Variants in SLC22A5 observed in about 807,000 individuals in gnomAD.
SLC22A5 encodes the protein solute carrier family 22 member 5, also known as organic cation/carnitine transporter 2.
Under a neutral mutation model 56.7 loss-of-function variants are expected in SLC22A5, and 44 were observed. That is an observed-to-expected ratio of 0.78 (90% CI 0.61 to 1.00). SLC22A5 has a LOEUF of 1.00. SLC22A5 is among the 50% of genes least tolerant of loss of function. The probability of loss-of-function intolerance (pLI) is 0.00; values close to 1 mark genes in which losing one functional copy is unlikely to be tolerated. For missense variants in SLC22A5, 675 were observed against 723.0 expected, an observed-to-expected ratio of 0.93 and a Z score of 0.76; for synonymous variants, 278 against 292.1, an observed-to-expected ratio of 0.95 and a Z score of 0.49.
intron 1 of SLC22A5, among the ~76,000 whole-genome samples, chr5:132,373,996 A>G (rs186907317): frequency 6.6e-6 from 1 of 152,226 alleles, no homozygotes; most frequent in Non-Finnish European, 1.5e-5. Context: ...AGGCAGGTGG[A>G]TCACAAGGCA....
In SLC22A5 at chr5:132,369,784, C is replaced by T; in HGVS notation, c.-189C>T. 1 of 662,310 alleles carries T rather than the reference C, an allele frequency of 1.5e-6. No individual in the cohort carries two copies. The highest frequency in any genetic ancestry group is 2.4e-6 in the Non-Finnish European group (1 of 418,972). 41.0% of individuals were successfully genotyped at this position (662,310 alleles called of 1,614,324 possible). A position where few individuals can be genotyped will look rare whatever the true frequency, so the allele number is the denominator to read the frequency against. ...AGGCCCGCAACCTTCCCTGGTCGTG[C>T]GCCCTATGTAAGGCCAGCCGCGGCA... On this transcript the variant is annotated 5_prime_UTR_variant, in exon 1 of 10. Transcript: ENST00000245407.
At chr5:132,386,914 C>A in intron 4 of SLC22A5, 111 bp from the exon 5 acceptor site, 1 of 1,164,660 alleles carries the variant, frequency 8.6e-7, no homozygotes, top group Non-Finnish European at 1.3e-6. Flanking sequence ...ACCAAACATT[C>A]CACAAGCTCT....
intron 1 of SLC22A5, among the ~76,000 whole-genome samples, chr5:132,374,319 G>A (rs967447994): frequency 1.3e-5 from 2 of 152,190 alleles, no homozygotes; most frequent in Non-Finnish European, 2.9e-5. Context: ...AGTCCTGGGT[G>A]GGACTCCCAC....
chr5:132,389,327 C>T, intron 6 of SLC22A5: 1 of 377,620 alleles, frequency 2.6e-6, no homozygotes, highest in Non-Finnish European at 5.1e-6. Context: ...CCGTCTCCTA[C>T]CCAGTTACCG....
Position 132,369,823 on chromosome 5 carries a change from G to A in SLC22A5, c.-150G>A, listed in dbSNP as rs1751809452. Reference sequence around the variant, plus strand: ...CCAGCCGCGGCAGGACCAAGGCGGCGGTGTCAGCTCGCGAGCCTACCCTCC... The same window carrying A: ...CCAGCCGCGGCAGGACCAAGGCGGCAGTGTCAGCTCGCGAGCCTACCCTCC... On this transcript the variant is annotated 5_prime_UTR_variant, in exon 1 of 10. Coordinates refer to ENST00000245407, the MANE Select transcript of SLC22A5 (RefSeq NM_003060.4). 5.1e-6 allele frequency: 5 copies of A among 974,554 alleles called. No homozygotes were observed. The highest frequency in any genetic ancestry group is 7.3e-6 in the Non-Finnish European group (5 of 688,760). 60.4% of individuals were successfully genotyped at this position (974,554 alleles called of 1,614,324 possible).
chr5:132,392,960 G>C (rs913771915), intron 8 of SLC22A5, among the ~76,000 whole-genome samples: 4 of 152,160 alleles, frequency 2.6e-5, no homozygotes, highest in Non-Finnish European at 5.9e-5. Context: ...AAATTTCTTG[G>C]AATCAGAGTT....
chr5:132,370,273 C>T lies in SLC22A5; in HGVS notation c.301C>T (p.Arg101Cys), dbSNP rs1327883835. ...NFSALGLEPG[R>C]DVDLGQLEQE... Reference sequence around the variant, plus strand: ...CTCGGCGCTTGGGCTGGAGCCGGGGCGCGACGTGGACCTGGGGCAGCTGGA... The same window carrying T: ...CTCGGCGCTTGGGCTGGAGCCGGGGTGCGACGTGGACCTGGGGCAGCTGGA... The change falls in exon 1 of 10, where the codon CGC becomes TGC. Residue 101 changes from arginine to cysteine, a missense_variant. Transcript: ENST00000245407. 13 of 1,597,622 alleles carry T rather than the reference C, an allele frequency of 8.1e-6. No homozygotes were observed. In the South Asian group the frequency reaches 1.3e-4, roughly 17 times the overall value.
At chr5:132,370,476 C>T in intron 1 of SLC22A5, 111 bp downstream of exon 1, 1 of 1,243,656 alleles carries the variant, frequency 8.0e-7, no homozygotes, top group South Asian at 1.4e-5. Flanking sequence ...CACTCCCCCT[C>T]CCCCAACGGT....
At chr5:132,371,959 C>G (rs961506863) in intron 1 of SLC22A5, among the ~76,000 whole-genome samples, 1 of 152,092 alleles carries the variant, frequency 6.6e-6, no homozygotes, top group East Asian at 1.9e-4. Context: ...TGAGAGCTAC[C>G]CTGGGAGATC....
intron 3 of SLC22A5, 92 bp downstream of exon 3, chr5:132,384,393 A>T: frequency 7.0e-6 from 9 of 1,294,528 alleles, no homozygotes; most frequent in Non-Finnish European, 9.0e-6. Flanking sequence ...GATGTCCCTC[A>T]AGGGGGACAG....
chr5:132,388,730 G>A (rs551630009), intron 5 of SLC22A5, among the ~76,000 whole-genome samples, 191 bp from the exon 6 acceptor site: 4 of 152,256 alleles, frequency 2.6e-5, no homozygotes, highest in Non-Finnish European at 5.9e-5. Context: ...ACTCTGATTT[G>A]TTACTGACAA....
Position 132,369,984 on chromosome 5 carries a change from C to G in SLC22A5, c.12C>G (p.Tyr4Ter), listed in dbSNP as rs72552722. MRD[Y>*]DEVTAFLGEW... ...CCTCTGAGGGCGGCATGCGGGACTA[C>G]GACGAGGTGACCGCCTTCCTGGGCG... The change falls in exon 1 of 10, where the codon TAC becomes TAG. Residue 4 changes from tyrosine (Y) to a stop codon, truncating the protein, a stop_gained. Transcript: ENST00000245407. LOFTEE classifies it high-confidence loss of function. 5.0e-6 allele frequency: 8 copies of G among 1,613,096 alleles called. No homozygotes were observed. The South Asian group carries it at 5.5e-5, about 11-fold the overall frequency.
rs727504159 is a variant in SLC22A5 at position 132,370,310 on chromosome 5, G to A, written c.338G>A (p.Cys113Tyr). Residue 113 changes from cysteine to tyrosine, a missense_variant, in exon 1 of 10, where the codon TGT (cysteine) becomes TAT (tyrosine). Transcript: ENST00000245407. ...CTGGGGCAGCTGGAGCAGGAGAGCTGTCTGGATGGCTGGGAGTTCAGTCAG... is the reference window on the plus strand; with the variant it reads ...CTGGGGCAGCTGGAGCAGGAGAGCTATCTGGATGGCTGGGAGTTCAGTCAG... ...VDLGQLEQESCLDGWEFSQDV... is the reference protein window; with the variant it reads ...VDLGQLEQESYLDGWEFSQDV... The A allele has an allele frequency of 2.5e-6, 4 of 1,611,524 alleles. No individual in the cohort carries two copies. The East Asian group carries it at 8.9e-5, about 36-fold the overall frequency.
chr5:132,370,024 C>T lies in SLC22A5; in HGVS notation c.52C>T (p.Gln18Ter). Residue 18 changes from glutamine to a stop codon, truncating the protein, a stop_gained, in exon 1 of 10, where the codon CAG becomes TAG. Coordinates refer to ENST00000245407, the MANE Select transcript of SLC22A5 (RefSeq NM_003060.4). LOFTEE classifies it high-confidence loss of function. ...TAFLGEWGPF[Q>*]RLIFFLLSAS... ...CTTCCTGGGCGAGTGGGGGCCCTTC[C>T]AGCGCCTCATCTTCTTCCTGCTCAG... 2 of 1,613,434 alleles carry T rather than the reference C, an allele frequency of 1.2e-6. No homozygotes were observed. Among genetic ancestry groups the T allele is most frequent in the Non-Finnish European group, 1.7e-6 (2 of 1,179,734 alleles).
chr5:132,385,299 G>T lies in SLC22A5; in HGVS notation c.653-29G>T, dbSNP rs530202724. 16 of 1,607,246 alleles carry T rather than the reference G, an allele frequency of 1.0e-5. No individual in the cohort carries two copies. The South Asian group carries it at 1.7e-4, about 17-fold the overall frequency. On this transcript the variant is annotated intron_variant, in intron 3 of 9. Coordinates refer to ENST00000245407, the MANE Select transcript of SLC22A5 (RefSeq NM_003060.4). ...ATAAGGAAGGAACCCAAATTAAACTGCTAACTCGACCTCCCTTGTTTTGAA... is the reference window on the plus strand; with the variant it reads ...ATAAGGAAGGAACCCAAATTAAACTTCTAACTCGACCTCCCTTGTTTTGAA...
Position 132,394,546 on chromosome 5 carries a change from A to C in SLC22A5, c.*274A>C. On this transcript the variant is annotated 3_prime_UTR_variant, in exon 10 of 10. Coordinates refer to ENST00000245407, the MANE Select transcript of SLC22A5 (RefSeq NM_003060.4). ...GGACTCAGCACCTCCAAAGCAGTTA[A>C]TTTTTCACTAGAACCAGTGAGATCT... 1 of 505,698 alleles carries C rather than the reference A, an allele frequency of 2.0e-6. No homozygotes were observed. Among genetic ancestry groups the C allele is most frequent in the Non-Finnish European group, 3.5e-6 (1 of 281,764 alleles). 31.3% of individuals were successfully genotyped at this position (505,698 alleles called of 1,614,324 possible). A position where few individuals can be genotyped will look rare whatever the true frequency, so the allele number is the denominator to read the frequency against.
In SLC22A5 at chr5:132,394,983, C is replaced by A. The variant is rs993866167; in HGVS notation, c.*711C>A. The A allele has an allele frequency of 1.3e-5, 2 of 152,366 alleles. No homozygotes were observed. The highest frequency in any genetic ancestry group is 6.5e-5 in the Admixed American group (1 of 15,286). The allele number at this position is 152,366 out of a possible 1,614,324, so 9.4% of individuals were successfully genotyped here. ...TAAATGCTCCATTGAATCTACTATT[C>A]TTGTTTTCCACTGCTGTGGAAACCT... On this transcript the variant is annotated 3_prime_UTR_variant, in exon 10 of 10. Coordinates refer to ENST00000245407, the MANE Select transcript of SLC22A5 (RefSeq NM_003060.4).
intron 8 of SLC22A5, 69 bp from the exon 9 acceptor site, chr5:132,393,607 T>A (rs1752778396): frequency 1.3e-6 from 2 of 1,568,244 alleles, no homozygotes; most frequent in African/African-American, 2.7e-5. Flanking sequence ...CCTGGGAGCA[T>A]AAAGGGGTAG....
chr5:132,384,211 ATCT>A lies in SLC22A5; in HGVS notation c.566_568del (p.Phe189del), dbSNP rs777207671. 1 of 1,614,034 alleles carries A rather than the reference ATCT, an allele frequency of 6.2e-7. No individual in the cohort carries two copies. The highest frequency in any genetic ancestry group is 1.3e-5 in the African/African-American group (1 of 74,910). ...GCAGACAGGCTTCAGCTTCCTGCAG[ATCT>A]TCTCGAAGAATTTTGAGATGTTTGT... is the stretch of plus-strand genomic sequence containing the variant. On this transcript the variant is annotated inframe_deletion, in exon 3 of 10. Transcript: ENST00000245407.
Sources: allele counts gnomAD v4.1 joint callset (sites outside exome capture counted in the v4.1 genomes callset), GRCh38; gene constraint gnomAD v4.1.1; transcripts MANE v1.5; gene names NCBI Gene and HGNC (gene_info 2026-07-23, HGNC 2026-07-21).